Variants in SRGAP1 observed in about 807,000 individuals in gnomAD.
SRGAP1 encodes the protein SLIT-ROBO Rho GTPase activating protein 1.
In SRGAP1, 43 loss-of-function variants were observed where a neutral mutation model predicts 121.9. The ratio of observed to expected loss-of-function variants is 0.35; its 90% confidence interval spans 0.28 to 0.46. SRGAP1 has a LOEUF of 0.46. Among genes scored for constraint, SRGAP1 ranks in the 20% least tolerant of loss-of-function variants. SRGAP1 has a pLI of 1.00. For missense variants in SRGAP1, 1,102 were observed against 1,350.9 expected, an observed-to-expected ratio of 0.82 and a Z score of 2.89; for synonymous variants, 447 against 485.4, an observed-to-expected ratio of 0.92 and a Z score of 1.04.
At chr12:64,013,348 G>A (rs1470163344) in intron 3 of SRGAP1, among the ~76,000 whole-genome samples, 1 of 152,184 alleles carries the variant, frequency 6.6e-6, no homozygotes, top group Non-Finnish European at 1.5e-5. Flanking sequence ...TCTGGCCCAA[G>A]TATCTGTGAA....
At chr12:64,125,938 A>G in intron 18 of SRGAP1, 39 bp from the exon 19 acceptor site, 1 of 1,599,876 alleles carries the variant, frequency 6.3e-7, no homozygotes, top group Non-Finnish European at 8.5e-7. Context: ...CCTTCCTAAC[A>G]ACCCTGTTTC....
chr12:64,027,716 A>G (rs1300245119), intron 4 of SRGAP1, among the ~76,000 whole-genome samples: 1 of 152,170 alleles, frequency 6.6e-6, no homozygotes, highest in East Asian at 1.9e-4. Context: ...TTGCAAACTC[A>G]AAAAGCTCTC....
At chr12:64,091,408 T>C (rs375220582) in intron 12 of SRGAP1, 30 bp downstream of exon 12, 42 of 1,510,324 alleles carry the variant, frequency 2.8e-5, no homozygotes, top group Non-Finnish European at 3.7e-5. Flanking sequence ...GGGTGGCTGA[T>C]CTCCATGCTT....
At chr12:63,926,422 A>G (rs2031263479) in intron 1 of SRGAP1, among the ~76,000 whole-genome samples, 1 of 152,292 alleles carries the variant, frequency 6.6e-6, no homozygotes, top group South Asian at 2.1e-4. Flanking sequence ...TTCTTTGGCC[A>G]TGGTCACCCA....
chr12:63,905,793 C>G (rs1348301623), intron 1 of SRGAP1, among the ~76,000 whole-genome samples: 1 of 152,198 alleles, frequency 6.6e-6, no homozygotes, highest in Non-Finnish European at 1.5e-5. Flanking sequence ...AGCTATAGCA[C>G]AGCAAAATGC....
chr12:63,991,763 G>A (rs570534344), intron 3 of SRGAP1, among the ~76,000 whole-genome samples: 2 of 152,238 alleles, frequency 1.3e-5, no homozygotes, highest in Non-Finnish European at 1.5e-5. Context: ...AATTTGTATG[G>A]CACTATATAA....
chr12:64,012,905 A>AT (rs977316547), intron 3 of SRGAP1, among the ~76,000 whole-genome samples: 10 of 150,790 alleles, frequency 6.6e-5, no homozygotes, highest in East Asian at 3.9e-4. Flanking sequence ...CCTATTAAAT[A>AT]TTTTTTTTTC....
rs970253160 is a variant in SRGAP1, at chr12:64,155,973, T to A, written c.*13301T>A. 1 of 152,236 alleles carries A rather than the reference T, an allele frequency of 6.6e-6. No homozygotes were observed. The highest frequency in any genetic ancestry group is 2.4e-5 in the African/African-American group (1 of 41,468). The allele number at this position is 152,236 out of a possible 1,614,324, so 9.4% of individuals were successfully genotyped here. A position where few individuals can be genotyped will look rare whatever the true frequency, so the allele number is the denominator to read the frequency against. On this transcript the variant is annotated 3_prime_UTR_variant, in exon 22 of 22. Transcript: ENST00000355086. ...TCTATGTGCCAAGCACTGTGCTAAC[T>A]GCTTTCATATTATCGGATTTAGTCC...
intron 15 of SRGAP1, among the ~76,000 whole-genome samples, chr12:64,103,093 C>G (rs189522040): frequency 8.5e-5 from 13 of 152,256 alleles, no homozygotes; most frequent in East Asian, 1.9e-4. Context: ...GATCCTCCCC[C>G]CTCAGCCTCC....
chr12:63,913,480 T>TATATATATATATATATATATATATATAA (rs1439123798), intron 1 of SRGAP1, among the ~76,000 whole-genome samples: 1 of 108,626 alleles, frequency 9.2e-6, no homozygotes. Flanking sequence ...TATATATGGA[T>TATATATATATATATATATATATATATAA]ATATATATAT....
intron 1 of SRGAP1, among the ~76,000 whole-genome samples, chr12:63,881,109 C>G (rs1050663024): frequency 1.3e-5 from 2 of 152,152 alleles, no homozygotes; most frequent in African/African-American, 2.4e-5. Context: ...GTGTCAGGGC[C>G]ACACCTTACT....
intron 1 of SRGAP1, among the ~76,000 whole-genome samples, chr12:63,917,356 C>T (rs1424923617): frequency 1.3e-5 from 2 of 152,142 alleles, no homozygotes; most frequent in African/African-American, 4.8e-5. Context: ...ACCTAGGGCT[C>T]TCTAAGACAG....
chr12:63,904,330 T>C (rs2030091292), intron 1 of SRGAP1, among the ~76,000 whole-genome samples: 1 of 152,176 alleles, frequency 6.6e-6, no homozygotes, highest in Admixed American at 6.5e-5. Flanking sequence ...AACAGAAATA[T>C]GTGCAACTCC....
chr12:64,078,869 G>T, intron 8 of SRGAP1, 50 bp from the exon 9 acceptor site: 1 of 1,579,024 alleles, frequency 6.3e-7, no homozygotes. Flanking sequence ...CCCTGTTTGT[G>T]GGATTCATGA....
rs180789705 is a variant in SRGAP1, at chr12:63,932,905, G to A, written c.68-51042G>A. Among the ~76,000 whole-genome samples, 45 of 152,270 alleles carry A rather than the reference G, an allele frequency of 3.0e-4. No homozygotes were observed. The South Asian group carries it at 3.7e-3, about 13-fold the overall frequency. On this transcript the variant is annotated intron_variant, in intron 1 of 21. Transcript: ENST00000355086. ...GTGTTGTTGCTAGAAAGAACCATAC[G>A]TAGGCCAGGAGCAGTGGCTCACGCC...
Position 63,944,241 on chromosome 12 carries a change from G to T in SRGAP1, c.68-39706G>T, listed in dbSNP as rs74099399. On this transcript the variant is annotated intron_variant, in intron 1 of 21. Transcript: ENST00000355086. ...TGCACAATAGTAAGTGGCAAAGCTT[G>T]GGTTTTGTCTTAGTCAGTTTGGGCT... 8.9e-3 allele frequency among the ~76,000 whole-genome samples: 1,355 copies of T among 152,292 alleles called. 16 individuals are homozygous for T. The highest frequency in any genetic ancestry group is 0.029 in the African/African-American group (1,186 of 41,558).
intron 2 of SRGAP1, among the ~76,000 whole-genome samples, chr12:63,988,778 A>C (rs2033480592): frequency 6.6e-6 from 1 of 152,162 alleles, no homozygotes; most frequent in Non-Finnish European, 1.5e-5. Flanking sequence ...GCCATTTTAC[A>C]GTTACTTTTT....
chr12:63,845,026 C>A (rs1057475205), intron 1 of SRGAP1, 143 bp downstream of exon 1: 12 of 791,802 alleles, frequency 1.5e-5, no homozygotes, highest in Non-Finnish European at 2.6e-5. Flanking sequence ...CCTGGGCTTC[C>A]TACAAGCCAG....
At chr12:64,091,817 T>G in intron 12 of SRGAP1, 90 of 1,220,272 alleles carry the variant, frequency 7.4e-5, no homozygotes, top group Non-Finnish European at 9.8e-5. Context: ...TGTAAGACTA[T>G]GATCTATACC....
Sources: gnomAD v4.1 joint callset for allele counts (sites outside exome capture counted in the v4.1 genomes callset) on GRCh38, gnomAD v4.1.1 for gene constraint, MANE v1.5 for transcripts, NCBI Gene and HGNC (gene_info 2026-07-23, HGNC 2026-07-21) for gene names.